Variants in HMMR observed in about 807,000 individuals in gnomAD.
HMMR encodes the protein intracellular hyaluronic acid-binding protein.
A neutral mutation model predicts 101.0 loss-of-function variants in HMMR; 108 were observed. That is an observed-to-expected ratio of 1.07 (90% CI 0.92 to 1.25). The LOEUF (loss-of-function observed/expected upper bound fraction) is 1.25. Ranked by LOEUF, HMMR falls within the 50% of genes most tolerant of loss-of-function variation. The pLI, the probability that HMMR is intolerant of heterozygous loss-of-function variation, is 0.00. For synonymous variants in HMMR, 296 were observed against 276.4 expected (o/e 1.07, Z -0.70); for missense variants, 813 against 788.7 (o/e 1.03, Z -0.37).
rs1016935275 is a variant in HMMR at position 163,468,944 on chromosome 5, G to A, written c.274-697G>A. 4.0e-5 allele frequency among the ~76,000 whole-genome samples: 6 copies of A among 151,876 alleles called. No individual in the cohort carries two copies. The South Asian group carries it at 1.2e-3, about 31-fold the overall frequency. On this transcript the variant is annotated intron_variant, in intron 4 of 17. Coordinates refer to ENST00000393915, the MANE Select transcript of HMMR (RefSeq NM_001142556.2). ...AAGAATGATGGCTTGCCAATGCCTAGTACATTCTCCTCAGAAGCCCAGCTC... is the reference window on the plus strand; with the variant it reads ...AAGAATGATGGCTTGCCAATGCCTAATACATTCTCCTCAGAAGCCCAGCTC...
chr5:163,484,574 G>A (rs566099913), intron 16 of HMMR, among the ~76,000 whole-genome samples: 1 of 152,050 alleles, frequency 6.6e-6, no homozygotes, highest in Non-Finnish European at 1.5e-5. Context: ...AAATATTTGG[G>A]CATTTAAATT....
At chr5:163,461,222 CAATG>C (rs1004704169) in intron 1 of HMMR, among the ~76,000 whole-genome samples, 1 of 152,176 alleles carries the variant, frequency 6.6e-6, no homozygotes, top group African/African-American at 2.4e-5. Context: ...AAAACATAAA[CAATG>C]AAGTTATGGC....
chr5:163,484,461 T>G (rs1759401146), intron 16 of HMMR, among the ~76,000 whole-genome samples: 1 of 152,146 alleles, frequency 6.6e-6, no homozygotes, highest in Non-Finnish European at 1.5e-5. Flanking sequence ...ATATTGAAAA[T>G]TACTTGAGTA....
In HMMR at chr5:163,478,720, T is replaced by A; in HGVS notation, c.1305T>A (p.His435Gln). Reference protein sequence around the residue: ...EAELEKSSAAHTQATLLLQEK... With the variant: ...EAELEKSSAAQTQATLLLQEK... ...AACTGGAGAAAAGTAGTGCTGCTCA[T>A]ACCCAGGCCACCCTGCTTTTGCAGG... The change falls in exon 12 of 18, where the codon CAT (histidine) becomes CAA (glutamine). Residue 435 changes from histidine (H) to glutamine (Q), a missense_variant. By Grantham distance (24) the His-to-Gln change is conservative. Transcript: ENST00000393915. The A allele has an allele frequency of 6.2e-7, 1 of 1,613,254 alleles. No homozygotes were observed. Among genetic ancestry groups the A allele is most frequent in the Non-Finnish European group, 8.5e-7 (1 of 1,179,252 alleles).
chr5:163,489,881 G>T (rs1036014262), intron 16 of HMMR, among the ~76,000 whole-genome samples: 2 of 152,196 alleles, frequency 1.3e-5, no homozygotes, highest in African/African-American at 4.8e-5. Context: ...GTAGCCGTCT[G>T]GCGTGGACTT....
At chr5:163,481,308 T>A (rs756503996) in intron 12 of HMMR, among the ~76,000 whole-genome samples, 67 of 150,914 alleles carry the variant, frequency 4.4e-4, no homozygotes, top group Admixed American at 2.9e-3. Context: ...TATGTAAATT[T>A]TATATATATA....
chr5:163,461,602 G>T (rs1316618341), intron 1 of HMMR, among the ~76,000 whole-genome samples: 1 of 151,998 alleles, frequency 6.6e-6, no homozygotes, highest in Non-Finnish European at 1.5e-5. Flanking sequence ...AGACCACCGT[G>T]AAACCCCGTC....
At chr5:163,472,728 C>A (rs67476136) in intron 7 of HMMR, among the ~76,000 whole-genome samples, 40,367 of 152,008 alleles carry the variant, frequency 0.27, 5,515 homozygotes, top group East Asian at 0.5. Flanking sequence ...GTGCATATCA[C>A]CTTTTGCAAG....
intron 11 of HMMR, among the ~76,000 whole-genome samples, chr5:163,476,157 T>TA (rs532303083): frequency 4.3e-4 from 64 of 148,014 alleles, no homozygotes; most frequent in African/African-American, 1.3e-3. Flanking sequence ...TACTAAAAAT[T>TA]AAAAAAAAAA....
Position 163,475,618 on chromosome 5 carries a change from A to G in HMMR, c.1214A>G (p.Glu405Gly), listed in dbSNP as rs1173544289. The change falls in exon 11 of 18, where the codon GAG becomes GGG. Residue 405 changes from glutamate (E) to glycine (G), a missense_variant. Coordinates refer to ENST00000393915, the MANE Select transcript of HMMR (RefSeq NM_001142556.2). The part of the protein sequence containing the change: ...QAERLVKQLE[E>G]EAKSRAEELK... ...GAAAGGCTGGTCAAGCAATTGGAAG[A>G]GGAAGCAAAATCTAGAGCTGAAGAA... 6.2e-7 allele frequency: 1 copy of G among 1,613,146 alleles called. No homozygotes were observed. Among genetic ancestry groups the G allele is most frequent in the Non-Finnish European group, 8.5e-7 (1 of 1,179,346 alleles).
Position 163,465,577 on chromosome 5 carries a change from A to G in HMMR, c.225+775A>G, listed in dbSNP as rs528045083. ...AGGCTAGGCTGGTCTTGAATTCCTG[A>G]CTTCAGGTGATCAGCCCACTTTGGC... On this transcript the variant is annotated intron_variant, in intron 3 of 17. Coordinates refer to ENST00000393915, the MANE Select transcript of HMMR (RefSeq NM_001142556.2). Among the ~76,000 whole-genome samples the G allele has an allele frequency of 2.7e-4, 41 of 152,236 alleles. No individual in the cohort carries two copies. The East Asian group carries it at 7.4e-3, about 27-fold the overall frequency.
At chr5:163,473,973 T>C (rs769598191) in intron 9 of HMMR, 84 bp from the exon 10 acceptor site, 2 of 1,064,320 alleles carry the variant, frequency 1.9e-6, no homozygotes, top group Non-Finnish European at 2.8e-6. Flanking sequence ...AAAAGCAGTG[T>C]AATGGAATAT....
At chr5:163,482,137 G>A (rs1275857690) in intron 12 of HMMR, among the ~76,000 whole-genome samples, 6 of 152,118 alleles carry the variant, frequency 3.9e-5, no homozygotes, top group South Asian at 2.1e-4. Context: ...TGCTGGTCTC[G>A]AACTCCTGAC....
chr5:163,463,423 G>A (rs1402349631), intron 1 of HMMR, among the ~76,000 whole-genome samples: 4 of 152,180 alleles, frequency 2.6e-5, no homozygotes, highest in Non-Finnish European at 5.9e-5. Context: ...GCCAGAGATG[G>A]ATTATCACTA....
rs564864115 is a variant in HMMR, at chr5:163,470,870, G to A, written c.463-315G>A. The stretch of plus-strand genomic sequence containing the variant: ...GCTAGGCATGGTGGTGGTGCACACC[G>A]GTAATCCCAGCTACTCAGGAAGATG... On this transcript the variant is annotated intron_variant, in intron 5 of 17. Coordinates refer to ENST00000393915, the MANE Select transcript of HMMR (RefSeq NM_001142556.2). Among the ~76,000 whole-genome samples the A allele has an allele frequency of 9.9e-5, 15 of 152,022 alleles. No homozygotes were observed. The South Asian group carries it at 1.0e-3, about 11-fold the overall frequency.
At chr5:163,480,960 T>G (rs1759232853) in intron 12 of HMMR, among the ~76,000 whole-genome samples, 1 of 152,114 alleles carries the variant, frequency 6.6e-6, no homozygotes, top group African/African-American at 2.4e-5. Context: ...TATCTGTATG[T>G]GGGTACTTTT....
chr5:163,488,583 C>A (rs748764461), intron 16 of HMMR, among the ~76,000 whole-genome samples: 2 of 152,162 alleles, frequency 1.3e-5, no homozygotes, highest in Non-Finnish European at 2.9e-5. Flanking sequence ...AGTATTGTGC[C>A]TCTGATGTTG....
In HMMR at chr5:163,475,440, T is replaced by C. The variant is rs774960755; in HGVS notation, c.1054-18T>C. On this transcript the variant is annotated intron_variant, in intron 10 of 17. Coordinates refer to ENST00000393915, the MANE Select transcript of HMMR (RefSeq NM_001142556.2). ...ATGCCATTCCAAATTATTTTGGTGG[T>C]TTTCTGTTTGGATATAGGAATTATC... 1.0e-5 allele frequency: 15 copies of C among 1,471,182 alleles called. No individual in the cohort carries two copies. The African/African-American group carries it at 2.0e-4, about 19-fold the overall frequency. The allele number at this position is 1,471,182 out of a possible 1,614,324, so 91.1% of individuals were successfully genotyped here.
At position 163,483,015 on chromosome 5, in the gene HMMR, CA is replaced by C; in HGVS notation, c.1533-2del. 6.3e-7 allele frequency: 1 copy of C among 1,579,136 alleles called. No individual in the cohort carries two copies. On this transcript the variant is annotated splice_region_variant and splice_polypyrimidine_tract_variant and intron_variant, in intron 13 of 17. Coordinates refer to ENST00000393915, the MANE Select transcript of HMMR (RefSeq NM_001142556.2). ...TTTAGTGACCTCTTCTCTCTCAAAC[CA>C]AAGGATGCTTCTAGATCTGCAGACC...
Sources: allele counts gnomAD v4.1 joint callset (sites outside exome capture counted in the v4.1 genomes callset), GRCh38; gene constraint gnomAD v4.1.1; transcripts MANE v1.5; gene names NCBI Gene and HGNC (gene_info 2026-07-23, HGNC 2026-07-21).